Variants in EPB41L1 observed in about 807,000 individuals in gnomAD.
EPB41L1 encodes the protein erythrocyte membrane protein band 4.1 like 1.
A neutral mutation model predicts 97.8 loss-of-function variants in EPB41L1; 29 were observed. The ratio of observed to expected loss-of-function variants is 0.30; its 90% CI spans 0.22 to 0.40. The LOEUF (loss-of-function observed/expected upper bound fraction) is 0.40. EPB41L1 is among the 10% of genes least tolerant of loss of function. EPB41L1 has a pLI of 1.00. For missense variants in EPB41L1, 812 were observed against 1,162.3 expected (o/e 0.70, Z 4.38); for synonymous variants, 383 against 459.2 (o/e 0.83, Z 2.12).
At chr20:36,140,230 TG>T (rs1421373645) in intron 2 of EPB41L1, among the ~76,000 whole-genome samples, 175 of 149,616 alleles carry the variant, frequency 1.2e-3, no homozygotes, top group African/African-American at 3.4e-3. Context: ...ACTTTTTGTA[TG>T]TTTTTTTTTT....
At chr20:36,202,920 G>A (rs1303236109) in intron 14 of EPB41L1, among the ~76,000 whole-genome samples, 1 of 151,994 alleles carries the variant, frequency 6.6e-6, no homozygotes, top group African/African-American at 2.4e-5. Flanking sequence ...TTTCCTGTCT[G>A]TGCCTTGGGT....
chr20:36,207,532 T>C lies in EPB41L1; in HGVS notation c.1669-1956T>C. 2.3e-6 allele frequency: 3 copies of C among 1,289,836 alleles called. No homozygotes were observed. The highest frequency in any genetic ancestry group is 3.0e-6 in the Non-Finnish European group (3 of 988,868). The allele number at this position is 1,289,836 out of a possible 1,614,324, so 79.9% of individuals were successfully genotyped here. ...AGCAAGGTCCCTTCCAAATGACGTATCTTCAGAGGCACCCGTGGGACAAGC... is the reference window on the plus strand; with the variant it reads ...AGCAAGGTCCCTTCCAAATGACGTACCTTCAGAGGCACCCGTGGGACAAGC... On this transcript the variant is annotated intron_variant, in intron 14 of 21. Transcript: ENST00000338074. The surrounding 1 kb of genome is among the most constrained non-coding windows in gnomAD (Gnocchi z 4.9).
At chr20:36,100,569 T>C (rs964786) in intron 1 of EPB41L1, among the ~76,000 whole-genome samples, 60,834 of 152,076 alleles carry the variant, frequency 0.4, 15,791 homozygotes, top group African/African-American at 0.75. Context: ...AACTACCAAG[T>C]GAGGCAGAGA....
intron 2 of EPB41L1, among the ~76,000 whole-genome samples, chr20:36,149,361 T>C (rs1483505007): frequency 2.0e-5 from 3 of 152,216 alleles, no homozygotes; most frequent in Non-Finnish European, 2.9e-5. Context: ...GCAGGCATCC[T>C]CATCATTCCA....
At chr20:36,189,399 G>A (rs1264981580) in intron 9 of EPB41L1, among the ~76,000 whole-genome samples, 1 of 152,004 alleles carries the variant, frequency 6.6e-6, no homozygotes, top group Non-Finnish European at 1.5e-5. Context: ...TCCTTCCATG[G>A]CCACCTACCT....
intron 3 of EPB41L1, among the ~76,000 whole-genome samples, chr20:36,176,464 A>G (rs1433825146): frequency 6.6e-6 from 1 of 152,184 alleles, no homozygotes; most frequent in African/African-American, 2.4e-5. Context: ...GAAAGGGCTC[A>G]GAGGGTGTCC....
At chr20:36,186,515 G>C (rs900562348) in intron 7 of EPB41L1, among the ~76,000 whole-genome samples, 1 of 152,058 alleles carries the variant, frequency 6.6e-6, no homozygotes, top group African/African-American at 2.4e-5. Context: ...GGTGGCAAAT[G>C]CTGTCTCTGA....
In EPB41L1 at chr20:36,229,446, C is replaced by T. The variant is rs1002738235; in HGVS notation, c.*106C>T. 2.1e-5 allele frequency: 22 copies of T among 1,056,810 alleles called. No individual in the cohort carries two copies. The highest frequency in any genetic ancestry group is 6.3e-5 in the African/African-American group (4 of 63,944). 65.5% of individuals were successfully genotyped at this position (1,056,810 alleles called of 1,614,324 possible). ...CGACGCAACACTGACGTCCCAGCTG[C>T]GACGTACTGTCACTGATGAGAGACT... On this transcript the variant is annotated 3_prime_UTR_variant, in exon 22 of 22. Coordinates refer to ENST00000338074, the MANE Select transcript of EPB41L1 (RefSeq NM_012156.2).
intron 12 of EPB41L1, among the ~76,000 whole-genome samples, chr20:36,194,776 G>T (rs890678167): frequency 6.6e-6 from 1 of 152,080 alleles, no homozygotes; most frequent in Non-Finnish European, 1.5e-5. Context: ...ATTTCCCCAT[G>T]CCCCACTCAG....
intron 2 of EPB41L1, among the ~76,000 whole-genome samples, chr20:36,123,379 A>C (rs1379068890): frequency 1.3e-5 from 2 of 152,188 alleles, no homozygotes; most frequent in African/African-American, 4.8e-5. Context: ...TCCCGATCTA[A>C]CGAGGAAGAC....
intron 2 of EPB41L1, among the ~76,000 whole-genome samples, chr20:36,136,922 G>A (rs987591488): frequency 7.2e-5 from 11 of 151,954 alleles, no homozygotes; most frequent in African/African-American, 2.7e-4. Context: ...GTATTGTTCT[G>A]TTGCCTAGAC....
At chr20:36,107,359 T>C (rs2058226499) in intron 1 of EPB41L1, among the ~76,000 whole-genome samples, 2 of 151,448 alleles carry the variant, frequency 1.3e-5, no homozygotes, top group African/African-American at 4.8e-5. Context: ...TAGCTGGGAT[T>C]ACAGATGCAC....
chr20:36,189,541 A>G (rs1244819411), intron 9 of EPB41L1, among the ~76,000 whole-genome samples: 1 of 152,060 alleles, frequency 6.6e-6, no homozygotes. Flanking sequence ...ACCTGAAAGT[A>G]TCTCCCCCTC....
rs569469548 is a variant in EPB41L1, at chr20:36,184,269, G to GA, written c.567-840dup. ...AAAAAAGAAAAAGAAATAGGCAGTT[G>GA]AAAAAAAATGGTGAAACATAACAAA... is the stretch of plus-strand genomic sequence containing the variant. On this transcript the variant is annotated intron_variant, in intron 6 of 21. Coordinates refer to ENST00000338074, the MANE Select transcript of EPB41L1 (RefSeq NM_012156.2). Among the ~76,000 whole-genome samples the GA allele has an allele frequency of 4.2e-4, 64 of 151,586 alleles. 1 individual carries two copies. The East Asian group carries it at 0.012, about 28-fold the overall frequency.
intron 17 of EPB41L1, among the ~76,000 whole-genome samples, chr20:36,217,015 C>CA (rs1569356019): frequency 2.6e-5 from 4 of 152,134 alleles, no homozygotes; most frequent in Non-Finnish European, 5.9e-5. Context: ...CCTATTGACT[C>CA]GGAAACTCTA....
At chr20:36,178,802 A>G (rs1196165916) in intron 5 of EPB41L1, 130 bp downstream of exon 5, 1 of 1,015,852 alleles carries the variant, frequency 9.8e-7, no homozygotes, top group Admixed American at 1.7e-5. Context: ...CATCCCTGTA[A>G]TCCCAACACT....
In EPB41L1 at chr20:36,185,290, C is replaced by G. The variant is rs376321014; in HGVS notation, c.740C>G (p.Thr247Ser). The change falls in exon 7 of 22, where the codon ACC becomes AGC. Residue 247 changes from threonine (T) to serine (S), a missense_variant. Coordinates refer to ENST00000338074, the MANE Select transcript of EPB41L1 (RefSeq NM_012156.2). Reference sequence around the variant, plus strand: ...GAGCTCCGCTTCGCCCCTAACCAGACCCGGGAGCTGGAGGAGAGGATCATG... The same window carrying G: ...GAGCTCCGCTTCGCCCCTAACCAGAGCCGGGAGCTGGAGGAGAGGATCATG... The part of the protein sequence containing the change: ...VSELRFAPNQ[T>S]RELEERIMEL... 41 of 1,613,560 alleles carry G rather than the reference C, an allele frequency of 2.5e-5. No homozygotes were observed. Among genetic ancestry groups the G allele is most frequent in the Non-Finnish European group, 3.5e-5 (41 of 1,180,044 alleles).
chr20:36,164,249 G>A (rs2060646589), intron 1 of EPB41L1, among the ~76,000 whole-genome samples: 1 of 152,236 alleles, frequency 6.6e-6, no homozygotes, highest in Non-Finnish European at 1.5e-5. Flanking sequence ...GCAGGTCATG[G>A]ATCTGGGGGT....
At chr20:36,204,110 C>T (rs531913231) in intron 14 of EPB41L1, among the ~76,000 whole-genome samples, 1 of 152,290 alleles carries the variant, frequency 6.6e-6, no homozygotes, top group East Asian at 1.9e-4. Context: ...AGACTGAGTT[C>T]AAGGCCTGCC....
Sources: gnomAD v4.1 joint callset for allele counts (sites outside exome capture counted in the v4.1 genomes callset) on GRCh38, gnomAD v4.1.1 for gene constraint, Gnocchi (gnomAD v3.1) non-coding constraint, MANE v1.5 for transcripts, NCBI Gene and HGNC (gene_info 2026-07-23, HGNC 2026-07-21) for gene names.